The following IARS1 variants were observed in gnomAD, a reference collection of about 807,000 sequenced individuals.
The protein encoded by IARS1 is isoleucyl-tRNA synthetase 1.
IARS1 carries 124 observed loss-of-function variants against 168.2 expected under a neutral mutation model. The ratio of observed to expected loss-of-function variants is 0.74; its 90% confidence interval spans 0.64 to 0.86. The LOEUF is 0.86. Ranked by LOEUF, IARS1 falls within the 40% of genes least tolerant of loss-of-function variation. The probability of loss-of-function intolerance (pLI) is 0.00; values close to 1 mark genes in which losing one functional copy is unlikely to be tolerated. For synonymous variants in IARS1, 532 were observed against 529.4 expected, an observed-to-expected ratio of 1.00 and a Z score of -0.07; for missense variants, 1,452 against 1,515.8, an observed-to-expected ratio of 0.96 and a Z score of 0.70.
chr9:92,244,872 CATT>C (rs1378017231), intron 27 of IARS1, 84 bp downstream of exon 27: 4 of 1,036,514 alleles, frequency 3.9e-6, no homozygotes, highest in Non-Finnish European at 5.9e-6. Context: ...AAGCTGTCAA[CATT>C]ATCAGGAAAG....
intron 30 of IARS1, chr9:92,240,414 C>T: frequency 2.3e-6 from 1 of 444,082 alleles, no homozygotes; most frequent in Non-Finnish European, 4.0e-6. Context: ...TAGGTACCTG[C>T]CACCATGCCT....
At chr9:92,230,632 C>T (rs748978867) in intron 30 of IARS1, among the ~76,000 whole-genome samples, 3 of 152,126 alleles carry the variant, frequency 2.0e-5, no homozygotes, top group African/African-American at 4.8e-5. Flanking sequence ...GGGATAAACA[C>T]CTAGGAGTGC....
Position 92,222,600 on chromosome 9 carries a change from C to T in IARS1, c.3626G>A (p.Gly1209Asp). 1 of 1,614,092 alleles carries T rather than the reference C, an allele frequency of 6.2e-7. No individual in the cohort carries two copies. Among genetic ancestry groups the T allele is most frequent in the Non-Finnish European group, 8.5e-7 (1 of 1,180,010 alleles). ...CACCTTGGCTGCTTCATACAGAAGACCTTGGTGGGTGAGTCCATTCTGCCC... is the reference window on the plus strand; with the variant it reads ...CACCTTGGCTGCTTCATACAGAAGATCTTGGTGGGTGAGTCCATTCTGCCC... The part of the protein sequence containing the change: ...PLGQNGLTHQ[G>D]LLYEAAKVFG... The change falls in exon 33 of 34, where the codon GGT (glycine) becomes GAT (aspartate). Residue 1209 changes from glycine to aspartate, a missense_variant. Transcript: ENST00000443024.
At chr9:92,272,477 G>A (rs1374589183) in intron 10 of IARS1, among the ~76,000 whole-genome samples, 1 of 152,198 alleles carries the variant, frequency 6.6e-6, no homozygotes, top group African/African-American at 2.4e-5. Context: ...ACAGGATGAC[G>A]CACAAGTGCA....
chr9:92,259,079 A>G, intron 18 of IARS1, 81 bp from the exon 19 acceptor site: 1 of 1,262,858 alleles, frequency 7.9e-7, no homozygotes, highest in South Asian at 1.6e-5. Context: ...TGAGAGAGCA[A>G]GATGAAAATC....
chr9:92,272,395 A>G (rs1833171733), intron 10 of IARS1, among the ~76,000 whole-genome samples: 1 of 152,230 alleles, frequency 6.6e-6, no homozygotes, highest in Non-Finnish European at 1.5e-5. Context: ...CTGAGTGTGG[A>G]GCAAGTAACT....
intron 33 of IARS1, among the ~76,000 whole-genome samples, chr9:92,219,124 C>A (rs932318637): frequency 2.0e-5 from 3 of 152,130 alleles, no homozygotes; most frequent in Non-Finnish European, 4.4e-5. Context: ...CGCCACGTAT[C>A]TACAACTATC....
intron 16 of IARS1, 86 bp from the exon 17 acceptor site, chr9:92,263,141 A>G: frequency 1.1e-6 from 1 of 922,844 alleles, no homozygotes; most frequent in Admixed American, 2.2e-5. Flanking sequence ...TTGAATTTCT[A>G]TTTTTGATAA....
At chr9:92,254,743 C>A (rs1830486255) in intron 20 of IARS1, among the ~76,000 whole-genome samples, 1 of 152,214 alleles carries the variant, frequency 6.6e-6, no homozygotes, top group African/African-American at 2.4e-5. Flanking sequence ...ACAGGGGCAG[C>A]AGCAGCAGCC....
At chr9:92,232,285 A>T (rs1826835871) in intron 30 of IARS1, among the ~76,000 whole-genome samples, 1 of 152,226 alleles carries the variant, frequency 6.6e-6, no homozygotes, top group African/African-American at 2.4e-5. Context: ...ATATTTTCCA[A>T]ATAAAATACT....
intron 10 of IARS1, among the ~76,000 whole-genome samples, chr9:92,273,132 CAA>C (rs532773984): frequency 1.2e-4 from 8 of 64,032 alleles, no homozygotes; most frequent in Admixed American, 1.9e-4. Context: ...ACTCCCATCT[CAA>C]AAAAAAAAAA....
chr9:92,268,274 C>A lies in IARS1; in HGVS notation c.1331G>T (p.Arg444Leu), dbSNP rs200389880. 8.1e-6 allele frequency: 13 copies of A among 1,611,128 alleles called. No homozygotes were observed. The East Asian group carries it at 2.9e-4, about 36-fold the overall frequency. Reference sequence around the variant, plus strand: ...TGCATCTTTCAGCCAATTTCCAAATCGTTTTTCTCGTACCAACTCTGGGAC... The same window carrying A: ...TGCATCTTTCAGCCAATTTCCAAATAGTTTTTCTCGTACCAACTCTGGGAC... ...YWVPELVREK[R>L]FGNWLKDARD... is the part of the protein sequence containing the mutation. Residue 444 changes from arginine to leucine, a missense_variant, in exon 14 of 34, where the codon CGA becomes CTA. Arg to Leu is a moderately radical substitution (Grantham distance 102, BLOSUM62 -2). Coordinates refer to ENST00000443024, the MANE Select transcript of IARS1 (RefSeq NM_002161.6).
chr9:92,239,259 C>G (rs1828000409), intron 30 of IARS1, among the ~76,000 whole-genome samples: 1 of 152,010 alleles, frequency 6.6e-6, no homozygotes, highest in South Asian at 2.1e-4. Context: ...TTTTAGTTTT[C>G]TTTCACTTGA....
intron 30 of IARS1, among the ~76,000 whole-genome samples, chr9:92,230,588 T>A (rs1362401034): frequency 6.6e-6 from 1 of 152,228 alleles, no homozygotes; most frequent in African/African-American, 2.4e-5. Flanking sequence ...ACTATATACA[T>A]TCATGTGGTG....
intron 30 of IARS1, among the ~76,000 whole-genome samples, chr9:92,237,812 T>C (rs1420666755): frequency 6.6e-6 from 1 of 152,230 alleles, no homozygotes; most frequent in Non-Finnish European, 1.5e-5. Flanking sequence ...TCTACCCTTT[T>C]ACTTTCAACT....
At chr9:92,285,973 G>C in intron 5 of IARS1, 134 bp from the exon 6 acceptor site, 1 of 603,302 alleles carries the variant, frequency 1.7e-6, no homozygotes, top group Non-Finnish European at 3.0e-6. Context: ...TGGGAGACTG[G>C]CTGGTAAATT....
At chr9:92,285,563 TG>T (rs1835308511) in intron 6 of IARS1, among the ~76,000 whole-genome samples, 158 bp downstream of exon 6, 1 of 152,204 alleles carries the variant, frequency 6.6e-6, no homozygotes, top group African/African-American at 2.4e-5. Flanking sequence ...GTATACTAAC[TG>T]GCAATATTTC....
intron 33 of IARS1, among the ~76,000 whole-genome samples, chr9:92,215,508 A>G (rs554155227): frequency 1.3e-5 from 2 of 152,240 alleles, no homozygotes; most frequent in South Asian, 4.2e-4. Context: ...AAAGGCAAAG[A>G]AGTTGAAAAC....
chr9:92,222,516 T>C lies in IARS1; in HGVS notation c.3706+4A>G. 1.2e-6 allele frequency: 2 copies of C among 1,613,466 alleles called. No homozygotes were observed. The highest frequency in any genetic ancestry group is 1.7e-6 in the Non-Finnish European group (2 of 1,179,790). On this transcript the variant is annotated splice_donor_region_variant and intron_variant, in intron 33 of 33. Coordinates refer to ENST00000443024, the MANE Select transcript of IARS1 (RefSeq NM_002161.6). ...AAAAAACTTACGGTCCACAATCTCC[T>C]TACCCTGCGTTTGGGTCTCATTCAG...
Sources: gnomAD v4.1 joint callset for allele counts (sites outside exome capture counted in the v4.1 genomes callset) on GRCh38, gnomAD v4.1.1 for gene constraint, MANE v1.5 for transcripts, NCBI Gene and HGNC (gene_info 2026-07-23, HGNC 2026-07-21) for gene names.